The following RAD51B variants were observed in gnomAD, a reference collection of about 807,000 sequenced individuals.
RAD51B encodes DNA repair protein RAD51 homolog 2.
A neutral mutation model predicts 42.2 loss-of-function variants in RAD51B; 38 were observed. The ratio of observed to expected loss-of-function variants is 0.90; its 90% CI spans 0.70 to 1.18. RAD51B has a LOEUF of 1.18. RAD51B is among the 50% of genes most tolerant of loss of function. The probability of loss-of-function intolerance (pLI) is 0.00; values close to 1 mark genes in which losing one functional copy is unlikely to be tolerated. For synonymous variants in RAD51B, 154 were observed against 145.2 expected (o/e 1.06, Z -0.43); for missense variants, 373 against 400.7 (o/e 0.93, Z 0.59).
intron 4 of RAD51B, among the ~76,000 whole-genome samples, chr14:67,860,045 C>T (rs1480094868): frequency 6.6e-6 from 1 of 152,148 alleles, no homozygotes; most frequent in Non-Finnish European, 1.5e-5. Flanking sequence ...TGGTCTCGAA[C>T]TTCCGACCTC....
chr14:68,464,282 C>A (rs1448857145), intron 9 of RAD51B, among the ~76,000 whole-genome samples: 1 of 152,172 alleles, frequency 6.6e-6, no homozygotes, highest in African/African-American at 2.4e-5. Flanking sequence ...AATGTCACCT[C>A]TTCAGTGAGA....
chr14:68,495,626 T>C (rs905104628), intron 10 of RAD51B, among the ~76,000 whole-genome samples: 1 of 113,622 alleles, frequency 8.8e-6, no homozygotes, highest in Non-Finnish European at 2.4e-5. Flanking sequence ...GACGACACAC[T>C]GTGGGGCTCA....
intron 7 of RAD51B, among the ~76,000 whole-genome samples, chr14:67,901,104 TG>T (rs2043597410): frequency 6.6e-6 from 1 of 152,210 alleles, no homozygotes; most frequent in African/African-American, 2.4e-5. Context: ...GGGTCTTTTA[TG>T]TGGCAAGAGC....
chr14:68,494,424 C>T, intron 10 of RAD51B, among the ~76,000 whole-genome samples: 1 of 152,124 alleles, frequency 6.6e-6, no homozygotes. Flanking sequence ...CAGGAGCATT[C>T]CCCGAGGCAC....
intron 7 of RAD51B, among the ~76,000 whole-genome samples, chr14:68,010,245 G>A (rs1361056858): frequency 2.0e-5 from 3 of 151,802 alleles, no homozygotes; most frequent in African/African-American, 7.2e-5. Flanking sequence ...AGTACTTGGT[G>A]TAAAAATTGC....
At chr14:68,124,372 TAAG>T (rs1470024748) in intron 7 of RAD51B, among the ~76,000 whole-genome samples, 1 of 152,190 alleles carries the variant, frequency 6.6e-6, no homozygotes, top group African/African-American at 2.4e-5. Context: ...AGTGGCAGAT[TAAG>T]AAGACTTTGG....
chr14:67,927,536 T>C (rs1002766850), intron 7 of RAD51B, among the ~76,000 whole-genome samples: 5 of 152,190 alleles, frequency 3.3e-5, no homozygotes, highest in East Asian at 1.9e-4. Flanking sequence ...CTATTCTCTA[T>C]GTCCATGAGA....
chr14:68,139,820 T>C (rs1156888510), intron 7 of RAD51B, among the ~76,000 whole-genome samples: 1 of 152,244 alleles, frequency 6.6e-6, no homozygotes, highest in Non-Finnish European at 1.5e-5. Context: ...GAGTGGGCAC[T>C]AGGCACCCTC....
intron 7 of RAD51B, among the ~76,000 whole-genome samples, chr14:68,198,933 CGTT>C (rs1327830348): frequency 7.2e-5 from 11 of 152,104 alleles, no homozygotes; most frequent in South Asian, 2.1e-4. Context: ...TTGTTGGAAA[CGTT>C]CTTTTTATAT....
At chr14:68,500,320 T>C (rs1452935656) in intron 10 of RAD51B, among the ~76,000 whole-genome samples, 1 of 152,246 alleles carries the variant, frequency 6.6e-6, no homozygotes. Flanking sequence ...ATCCCCATCT[T>C]ACAGATGAGG....
rs114379924 is a variant in RAD51B at position 68,447,273 on chromosome 14, G to C, written c.958-20899G>C. On this transcript the variant is annotated intron_variant, in intron 9 of 10. Coordinates refer to ENST00000471583, the MANE Select transcript of RAD51B (RefSeq NM_133510.4). ...TAGATCCTCATAGTTACATACAAAT[G>C]TGGGCCAGAAAATTCTAATAATGAG... Among the ~76,000 whole-genome samples the C allele has an allele frequency of 1.5e-3, 225 of 152,256 alleles. 1 individual carries two copies. The highest frequency in any genetic ancestry group is 5.3e-3 in the African/African-American group (219 of 41,542).
chr14:68,271,944 AG>A (rs1282359439), intron 7 of RAD51B, among the ~76,000 whole-genome samples: 1 of 152,194 alleles, frequency 6.6e-6, no homozygotes, highest in Non-Finnish European at 1.5e-5. Flanking sequence ...TCCTTTCTCC[AG>A]GGGGAAGTAA....
At chr14:68,651,898 C>T (rs1017317466) in intron 11 of RAD51B, among the ~76,000 whole-genome samples, 10 of 152,268 alleles carry the variant, frequency 6.6e-5, no homozygotes, top group Admixed American at 1.3e-4. Flanking sequence ...TGAATCATCC[C>T]GGAACCGTCT....
chr14:68,676,200 G>A (rs1023345207), intron 11 of RAD51B, among the ~76,000 whole-genome samples: 1 of 152,166 alleles, frequency 6.6e-6, no homozygotes, highest in African/African-American at 2.4e-5. Context: ...AGCCTATGGG[G>A]TAAGTGCAAC....
intron 4 of RAD51B, among the ~76,000 whole-genome samples, chr14:67,841,597 T>C (rs937971266): frequency 3.3e-5 from 5 of 152,190 alleles, no homozygotes; most frequent in Admixed American, 2.6e-4. Flanking sequence ...TTTTTGTAAA[T>C]GGTAAAAGGT....
chr14:67,961,911 T>C (rs1332387351), intron 7 of RAD51B, among the ~76,000 whole-genome samples: 6 of 152,228 alleles, frequency 3.9e-5, no homozygotes, highest in African/African-American at 1.2e-4. Context: ...TAAAGTTAGA[T>C]AAAAGCCTTT....
At chr14:68,190,125 T>C (rs2079235231) in intron 7 of RAD51B, among the ~76,000 whole-genome samples, 1 of 152,242 alleles carries the variant, frequency 6.6e-6, no homozygotes, top group Non-Finnish European at 1.5e-5. Flanking sequence ...ATGATATTTA[T>C]GCATGTTTTC....
intron 8 of RAD51B, among the ~76,000 whole-genome samples, chr14:68,371,975 G>T (rs754327398): frequency 2.0e-5 from 3 of 152,268 alleles, no homozygotes; most frequent in South Asian, 2.1e-4. Context: ...GGCAGAGATT[G>T]ATCCTGGGGA....
chr14:68,530,316 A>G (rs994890628), intron 10 of RAD51B, among the ~76,000 whole-genome samples: 1 of 151,766 alleles, frequency 6.6e-6, no homozygotes, highest in African/African-American at 2.4e-5. Flanking sequence ...TCATAATGGC[A>G]TGCACCTATA....
Sources: gnomAD v4.1 joint callset for allele counts (sites outside exome capture counted in the v4.1 genomes callset) on GRCh38, gnomAD v4.1.1 for gene constraint, MANE v1.5 for transcripts, NCBI Gene and HGNC (gene_info 2026-07-23, HGNC 2026-07-21) for gene names.